The following RBM24 variants were observed in gnomAD, a reference collection of about 807,000 sequenced individuals.
RBM24 encodes RNA-binding protein 24.
RBM24 carries 5 observed loss-of-function variants against 23.6 expected under a neutral mutation model. That is an observed-to-expected ratio of 0.21 (90% CI 0.11 to 0.45). The LOEUF (loss-of-function observed/expected upper bound fraction) is 0.45. Ranked by LOEUF, RBM24 falls within the 20% of genes least tolerant of loss-of-function variation. The probability of loss-of-function intolerance (pLI) is 0.99; values close to 1 mark genes in which losing one functional copy is unlikely to be tolerated. For missense variants in RBM24, 252 were observed against 314.6 expected (o/e 0.80, Z 1.51); for synonymous variants, 151 against 129.5 (o/e 1.17, Z -1.13).
chr6:17,291,983 G>C lies in RBM24; in HGVS notation c.575G>C (p.Gly192Ala). ...PAAAGYVTAG[G>A]YGYAVQQPIT... is the part of the protein sequence containing the mutation. ...GCTGCAGGATATGTTACTGCTGGGGGCTATGGCTACGCAGTCCAGCAGCCA... is the reference window on the plus strand; with the variant it reads ...GCTGCAGGATATGTTACTGCTGGGGCCTATGGCTACGCAGTCCAGCAGCCA... The change falls in exon 4 of 4, where the codon GGC (glycine) becomes GCC (alanine). Residue 192 changes from glycine (G) to alanine (A), a missense_variant. By Grantham distance (60) the Gly-to-Ala change is moderately conservative (BLOSUM62 0). Transcript: ENST00000379052. 1 of 1,609,596 alleles carries C rather than the reference G, an allele frequency of 6.2e-7. No individual in the cohort carries two copies. The highest frequency in any genetic ancestry group is 8.5e-7 in the Non-Finnish European group (1 of 1,179,214).
chr6:17,289,738 A>C (rs1243588289), intron 3 of RBM24: 1 of 1,056,914 alleles, frequency 9.5e-7, no homozygotes, highest in African/African-American at 1.7e-5. Context: ...TTATAAAGAC[A>C]TTTTACCCGC....
At chr6:17,290,904 C>T (rs1369264276) in intron 3 of RBM24, 3 of 1,285,792 alleles carry the variant, frequency 2.3e-6, no homozygotes, top group East Asian at 1.1e-4. Context: ...GTTTGGTTGA[C>T]CGTTGTGTCC....
chr6:17,281,914 G>T lies in RBM24; in HGVS notation c.168+165G>T. 1 of 1,322,346 alleles carries T rather than the reference G, an allele frequency of 7.6e-7. No homozygotes were observed. The highest frequency in any genetic ancestry group is 1.5e-5 in the South Asian group (1 of 68,714). 81.9% of individuals were successfully genotyped at this position (1,322,346 alleles called of 1,614,324 possible). On this transcript the variant is annotated intron_variant, in intron 1 of 3. Coordinates refer to ENST00000379052, the MANE Select transcript of RBM24 (RefSeq NM_001143942.2). This position sits in a 1 kb window ranked among gnomAD's most constrained non-coding sequence, Gnocchi z 7.1. ...GAACTGAAACTTTGCTAGGGGAGAG[G>T]GTCGGCGCCAGCCTCGCGGGGTTCG... is the stretch of plus-strand genomic sequence containing the variant.
chr6:17,281,552 C>A lies in RBM24; in HGVS notation c.-30C>A, dbSNP rs1760013306. On this transcript the variant is annotated 5_prime_UTR_variant, in exon 1 of 4. Transcript: ENST00000379052. This position sits in a 1 kb window ranked among gnomAD's most constrained non-coding sequence, Gnocchi z 7.1. ...CCGCTGCCCGAGCCGCAGCCGCAGC[C>A]GGAGCCCGAGCCGCGGGGCGGGTGC... 1.3e-6 allele frequency: 2 copies of A among 1,483,488 alleles called. No individual in the cohort carries two copies. The highest frequency in any genetic ancestry group is 1.8e-6 in the Non-Finnish European group (2 of 1,117,234). The allele number at this position is 1,483,488 out of a possible 1,614,324, so 91.9% of individuals were successfully genotyped here.
intron 3 of RBM24, chr6:17,289,677 T>A (rs1760296300): frequency 1.0e-6 from 1 of 985,280 alleles, no homozygotes; most frequent in South Asian, 4.7e-5. Context: ...TCGGTGTCAG[T>A]GAGATCCGCA....
chr6:17,293,533 C>G lies in RBM24; in HGVS notation c.*1414C>G, dbSNP rs1435012343. ...GTGTAGATTTCATTTATTGGTAATT[C>G]ATTAGTTTAACACTATTATGTAGTT... On this transcript the variant is annotated 3_prime_UTR_variant, in exon 4 of 4. Transcript: ENST00000379052. 3.3e-5 allele frequency: 5 copies of G among 152,420 alleles called. No homozygotes were observed. The highest frequency in any genetic ancestry group is 7.4e-5 in the Non-Finnish European group (5 of 68,002). The allele number at this position is 152,420 out of a possible 1,614,324, so 9.4% of individuals were successfully genotyped here.
intron 3 of RBM24, chr6:17,289,925 A>G: frequency 7.8e-7 from 1 of 1,280,106 alleles, no homozygotes; most frequent in African/African-American, 1.5e-5. Context: ...CGAGTGAGCC[A>G]GTCACCTGAC....
At chr6:17,283,730 C>T (rs980891236) in intron 2 of RBM24, among the ~76,000 whole-genome samples, 1 of 152,110 alleles carries the variant, frequency 6.6e-6, no homozygotes, top group Non-Finnish European at 1.5e-5. Flanking sequence ...AATGGTAAAC[C>T]TTCAACATAA....
In RBM24 at chr6:17,282,809, C is replaced by T. The variant is rs1414161931; in HGVS notation, c.173C>T (p.Thr58Ile). Residue 58 changes from threonine to isoleucine, a missense_variant, in exon 2 of 4, where the codon ACC becomes ATC. Transcript: ENST00000379052. ...TGKSRGYGFV[T>I]MADRAAAERA... The stretch of plus-strand genomic sequence containing the variant: ...CTGTGTGTGTCTGTTGCTAAGGTCA[C>T]CATGGCTGACCGGGCTGCTGCCGAA... 4 of 1,613,664 alleles carry T rather than the reference C, an allele frequency of 2.5e-6. No individual in the cohort carries two copies. The highest frequency in any genetic ancestry group is 2.5e-6 in the Non-Finnish European group (3 of 1,179,726).
Position 17,291,981 on chromosome 6 carries a change from G to A in RBM24, c.573G>A (p.Gly191=). The A allele has an allele frequency of 6.2e-7, 1 of 1,609,850 alleles. No individual in the cohort carries two copies. ...SPAAAGYVTA[G]GYGYAVQQPI... is the part of the protein sequence containing the mutation. ...CTGCTGCAGGATATGTTACTGCTGG[G>A]GGCTATGGCTACGCAGTCCAGCAGC... Residue 191 remains glycine (G), a synonymous_variant, in exon 4 of 4, where the codon GGG becomes GGA. Transcript: ENST00000379052.
intron 2 of RBM24, 154 bp downstream of exon 2, chr6:17,283,082 A>G (rs529717246): frequency 1.6e-6 from 1 of 607,516 alleles, no homozygotes; most frequent in Admixed American, 2.9e-5. Flanking sequence ...TTAAACATAA[A>G]TGAGAGTTGT....
At position 17,291,856 on chromosome 6, in the gene RBM24, A is replaced by G. The variant is rs368442909; in HGVS notation, c.448A>G (p.Ile150Val). ...AGCTGCCGCCTCCACCACCCCTTAC[A>G]TTGATTACACTGGAGCTGCATACGC... ...TAAAASTTPYIDYTGAAYAQY... is the reference protein window; with the variant it reads ...TAAAASTTPYVDYTGAAYAQY... The change falls in exon 4 of 4, where the codon ATT becomes GTT. Residue 150 changes from isoleucine to valine, a missense_variant. By Grantham distance (29) the Ile-to-Val change is conservative. Coordinates refer to ENST00000379052, the MANE Select transcript of RBM24 (RefSeq NM_001143942.2). 3.6e-5 allele frequency: 58 copies of G among 1,613,818 alleles called. No individual in the cohort carries two copies. The highest frequency in any genetic ancestry group is 2.0e-4 in the African/African-American group (15 of 74,832).
At position 17,281,708 on chromosome 6, in the gene RBM24, A is replaced by G. The variant is rs1760018632; in HGVS notation, c.127A>G (p.Ile43Val). 6.4e-7 allele frequency: 1 copy of G among 1,552,020 alleles called. No individual in the cohort carries two copies. Among genetic ancestry groups the G allele is most frequent in the Non-Finnish European group, 8.7e-7 (1 of 1,147,402 alleles). Reference protein sequence around the residue: ...VFGEIEEAVVITDRQTGKSRG... With the variant: ...VFGEIEEAVVVTDRQTGKSRG... ...CGGCGAGATCGAGGAGGCGGTGGTC[A>G]TCACCGACCGGCAGACGGGCAAGTC... Residue 43 changes from isoleucine (I) to valine (V), a missense_variant, in exon 1 of 4, where the codon ATC (isoleucine) becomes GTC (valine). Physicochemically the swap from Ile to Val is conservative, Grantham distance 29. Transcript: ENST00000379052. This position sits in a 1 kb window ranked among gnomAD's most constrained non-coding sequence, Gnocchi z 7.1.
At chr6:17,288,744 A>G (rs1760269185) in intron 3 of RBM24, 1 of 979,356 alleles carries the variant, frequency 1.0e-6, no homozygotes, top group Non-Finnish European at 1.2e-6. Context: ...TCCAGGAAAC[A>G]TAAAGGAGCC....
At chr6:17,284,876 A>G (rs772082487) in intron 3 of RBM24, among the ~76,000 whole-genome samples, 165 bp downstream of exon 3, 14 of 152,236 alleles carry the variant, frequency 9.2e-5, no homozygotes, top group Non-Finnish European at 1.8e-4. Context: ...ATATTTTTAG[A>G]TGAGTCAAGT....
At chr6:17,288,331 T>C (rs1198085574) in intron 3 of RBM24, 2 of 985,246 alleles carry the variant, frequency 2.0e-6, no homozygotes, top group Non-Finnish European at 2.4e-6. Flanking sequence ...ATCAGGACAA[T>C]GAGTGGGATT....
chr6:17,281,827 GGCTCGGCGTGACCCGTGAGGA>G lies in RBM24; in HGVS notation c.168+81_168+101del. ...CGGGGATCGGGAGCTTGGAGTGAGG[GGCTCGGCGTGACCCGTGAGGA>G]GCCCCGCGGGTAGAGCGGCGCTGCC... On this transcript the variant is annotated intron_variant, in intron 1 of 3. Transcript: ENST00000379052. The surrounding 1 kb of genome is among the most constrained non-coding windows in gnomAD (Gnocchi z 7.1). 6.6e-7 allele frequency: 1 copy of G among 1,511,760 alleles called. No individual in the cohort carries two copies. 93.6% of individuals were successfully genotyped at this position (1,511,760 alleles called of 1,614,324 possible). A position where few individuals can be genotyped will look rare whatever the true frequency, so the allele number is the denominator to read the frequency against.
intron 1 of RBM24, chr6:17,282,274 T>TATTA: frequency 7.8e-7 from 1 of 1,279,540 alleles, no homozygotes; most frequent in Non-Finnish European, 1.0e-6. Flanking sequence ...AAACAGAGCA[T>TATTA]ATTAAGCTTC....
rs1760024954 is a variant in RBM24, at chr6:17,281,832, G to C, written c.168+83G>C. 6.7e-7 allele frequency: 1 copy of C among 1,499,832 alleles called. No individual in the cohort carries two copies. Among genetic ancestry groups the C allele is most frequent in the Non-Finnish European group, 9.0e-7 (1 of 1,107,952 alleles). 92.9% of individuals were successfully genotyped at this position (1,499,832 alleles called of 1,614,324 possible). On this transcript the variant is annotated intron_variant, in intron 1 of 3. Transcript: ENST00000379052. The surrounding 1 kb of genome is among the most constrained non-coding windows in gnomAD (Gnocchi z 7.1). Reference sequence around the variant, plus strand: ...ATCGGGAGCTTGGAGTGAGGGGCTCGGCGTGACCCGTGAGGAGCCCCGCGG... The same window carrying C: ...ATCGGGAGCTTGGAGTGAGGGGCTCCGCGTGACCCGTGAGGAGCCCCGCGG...
Sources: gnomAD v4.1 joint callset for allele counts (sites outside exome capture counted in the v4.1 genomes callset) on GRCh38, gnomAD v4.1.1 for gene constraint, Gnocchi (gnomAD v3.1) non-coding constraint, MANE v1.5 for transcripts, NCBI Gene and HGNC (gene_info 2026-07-23, HGNC 2026-07-21) for gene names.